Variants in SDK1 observed in about 807,000 individuals in gnomAD.
SDK1 encodes the protein protein sidekick-1.
SDK1 carries 157 observed loss-of-function variants against 245.5 expected under a neutral mutation model. The observed-to-expected ratio is 0.64, with a 90% CI of 0.56 to 0.73. SDK1 has a LOEUF of 0.73. Ranked by LOEUF, SDK1 falls within the 30% of genes least tolerant of loss-of-function variation. The pLI is 0.00. For synonymous variants in SDK1, 1,647 were observed against 1,278.5 expected (o/e 1.29, Z -6.15); for missense variants, 3,583 against 3,002.3 (o/e 1.19, Z -4.52).
chr7:3,899,272 T>G (rs557098816), intron 5 of SDK1, among the ~76,000 whole-genome samples: 14 of 152,148 alleles, frequency 9.2e-5, no homozygotes, highest in South Asian at 2.1e-4. Flanking sequence ...CTTTAACACT[T>G]CCACTTTTTC....
At chr7:3,822,803 A>G (rs1271402414) in intron 5 of SDK1, among the ~76,000 whole-genome samples, 1 of 150,944 alleles carries the variant, frequency 6.6e-6, no homozygotes, top group African/African-American at 2.4e-5. Flanking sequence ...AGTATGTGGG[A>G]TGGAGTGATA....
At position 4,214,744 on chromosome 7, in the gene SDK1, G is replaced by A. The variant is rs529521719; in HGVS notation, c.5539+4582G>A. ...CGGATCCAGGTGTGGATTGCCCAGC[G>A]GTGCTGGTGACATGAGGCGTCCAGC... On this transcript the variant is annotated intron_variant, in intron 38 of 44. Coordinates refer to ENST00000404826, the MANE Select transcript of SDK1 (RefSeq NM_152744.4). Among the ~76,000 whole-genome samples, 6 of 152,304 alleles carry A rather than the reference G, an allele frequency of 3.9e-5. 1 individual carries two copies. Among genetic ancestry groups the A allele is most frequent in the Non-Finnish European group, 5.9e-5 (4 of 68,026 alleles).
At chr7:3,965,979 A>G (rs1351047041) in intron 9 of SDK1, among the ~76,000 whole-genome samples, 1 of 151,538 alleles carries the variant, frequency 6.6e-6, no homozygotes, top group Non-Finnish European at 1.5e-5. Context: ...GACGGGCTGG[A>G]GGGTGGAGGG....
rs1975585 is a variant in SDK1 at position 4,268,423 on chromosome 7, G to C, written c.*3039G>C. 540,409 of 1,110,352 alleles carry C rather than the reference G, an allele frequency of 0.49. 133,576 individuals carry two copies. Among genetic ancestry groups the C allele is most frequent in the African/African-American group, 0.57 (34,339 of 60,356 alleles). 68.8% of individuals were successfully genotyped at this position (1,110,352 alleles called of 1,614,324 possible). A position where few individuals can be genotyped will look rare whatever the true frequency, so the allele number is the denominator to read the frequency against. On this transcript the variant is annotated 3_prime_UTR_variant, in exon 45 of 45. Transcript: ENST00000404826. The stretch of plus-strand genomic sequence containing the variant: ...AGCCCAAGCCCCTCTCCCCAGCCTC[G>C]CCTTCAGCCTCTCTCCCAGCCTGCT...
chr7:3,543,937 A>G (rs1019405496), intron 1 of SDK1, among the ~76,000 whole-genome samples: 2 of 152,216 alleles, frequency 1.3e-5, no homozygotes, highest in African/African-American at 4.8e-5. Flanking sequence ...GAGCTTTTTT[A>G]TTTTTGAAAA....
chr7:4,244,591 A>G lies in SDK1; in HGVS notation c.6252-1085A>G, dbSNP rs142638598. 3.0e-3 allele frequency among the ~76,000 whole-genome samples: 463 copies of G among 152,336 alleles called. 4 individuals are homozygous for G. The highest frequency in any genetic ancestry group is 0.011 in the African/African-American group (443 of 41,590). ...ATTTTCTATCGCTGCATGGCAAATGATCACAAGTTCAGCAGCTTAAACCAA... is the reference window on the plus strand; with the variant it reads ...ATTTTCTATCGCTGCATGGCAAATGGTCACAAGTTCAGCAGCTTAAACCAA... On this transcript the variant is annotated intron_variant, in intron 43 of 44. Coordinates refer to ENST00000404826, the MANE Select transcript of SDK1 (RefSeq NM_152744.4).
intron 1 of SDK1, among the ~76,000 whole-genome samples, chr7:3,370,425 T>G (rs371503647): frequency 6.6e-6 from 1 of 152,222 alleles, no homozygotes; most frequent in Admixed American, 6.5e-5. Context: ...AAAAAGTAAT[T>G]TCTTCTTTTA....
intron 14 of SDK1, among the ~76,000 whole-genome samples, chr7:4,001,896 C>T (rs1013255412): frequency 2.0e-5 from 3 of 152,216 alleles, no homozygotes; most frequent in Non-Finnish European, 2.9e-5. Context: ...GTTGCCACCA[C>T]GAACAGGTCT....
intron 5 of SDK1, among the ~76,000 whole-genome samples, chr7:3,900,211 G>A (rs1217278315): frequency 6.6e-6 from 1 of 152,014 alleles, no homozygotes; most frequent in Non-Finnish European, 1.5e-5. Flanking sequence ...ATAATTCTCT[G>A]GAATAGCATT....
chr7:3,815,038 A>G (rs1779473039), intron 4 of SDK1, among the ~76,000 whole-genome samples: 4 of 140,012 alleles, frequency 2.9e-5, no homozygotes, highest in Admixed American at 1.4e-4. Context: ...TTTTCTAGAT[A>G]TACAATCATG....
intron 1 of SDK1, among the ~76,000 whole-genome samples, chr7:3,479,784 A>C (rs1403002368): frequency 1.3e-5 from 2 of 150,714 alleles, no homozygotes; most frequent in Admixed American, 1.3e-4. Flanking sequence ...ATTGCTTGAA[A>C]CTGGGAGGCA....
intron 4 of SDK1, among the ~76,000 whole-genome samples, chr7:3,738,178 T>C (rs1438355937): frequency 6.6e-6 from 1 of 152,240 alleles, no homozygotes; most frequent in African/African-American, 2.4e-5. Flanking sequence ...CTTTCAATTT[T>C]AGGTCTTAGG....
chr7:3,379,189 GGGGCAATGTGCT>G (rs1436882467), intron 1 of SDK1, among the ~76,000 whole-genome samples: 2 of 152,108 alleles, frequency 1.3e-5, no homozygotes, highest in African/African-American at 4.8e-5. Context: ...TTTATTGTGC[GGGGCAATGTGCT>G]GGGCATTAGA....
intron 1 of SDK1, among the ~76,000 whole-genome samples, chr7:3,517,853 T>C (rs1430861942): frequency 6.6e-6 from 1 of 152,176 alleles, no homozygotes; most frequent in African/African-American, 2.4e-5. Flanking sequence ...TTAAAATTGC[T>C]CTTTCTGGAA....
At chr7:3,468,287 G>C (rs1437306826) in intron 1 of SDK1, among the ~76,000 whole-genome samples, 2 of 152,082 alleles carry the variant, frequency 1.3e-5, no homozygotes, top group African/African-American at 4.8e-5. Flanking sequence ...ACAAAAAGTG[G>C]TTAATATGAT....
rs200788342 is a variant in SDK1, at chr7:3,813,355, G to A, written c.714-8095G>A. ...CATTTCCCACCTATGAGTGAGAATA[G>A]GCGGTGTTTGGTTTTTTGTTCTTGC... On this transcript the variant is annotated intron_variant, in intron 4 of 44. Coordinates refer to ENST00000404826, the MANE Select transcript of SDK1 (RefSeq NM_152744.4). 2.1e-5 allele frequency among the ~76,000 whole-genome samples: 3 copies of A among 146,050 alleles called. 1 individual carries two copies. Among genetic ancestry groups the A allele is most frequent in the African/African-American group, 7.6e-5 (3 of 39,372 alleles).
chr7:3,589,413 C>G (rs1003205300), intron 1 of SDK1, among the ~76,000 whole-genome samples: 5 of 152,202 alleles, frequency 3.3e-5, no homozygotes, highest in African/African-American at 1.2e-4. Flanking sequence ...TCCCGTGCAC[C>G]AGCACCACCT....
At chr7:3,850,330 G>A (rs1235288702) in intron 5 of SDK1, among the ~76,000 whole-genome samples, 2 of 152,184 alleles carry the variant, frequency 1.3e-5, no homozygotes, top group Non-Finnish European at 2.9e-5. Context: ...CATGTGTAAC[G>A]TTGCTTGGCA....
At chr7:3,520,897 AAAC>A (rs1782916897) in intron 1 of SDK1, among the ~76,000 whole-genome samples, 1 of 152,180 alleles carries the variant, frequency 6.6e-6, no homozygotes, top group South Asian at 2.1e-4. Context: ...GACCAGTTTA[AAAC>A]AACACTCATT....
Sources: gnomAD v4.1 joint callset for allele counts (sites outside exome capture counted in the v4.1 genomes callset) on GRCh38, gnomAD v4.1.1 for gene constraint, MANE v1.5 for transcripts, NCBI Gene and HGNC (gene_info 2026-07-23, HGNC 2026-07-21) for gene names.